RPS6KC1: variants seen among roughly 807,000 people sequenced by gnomAD.
RPS6KC1 encodes ribosomal protein S6 kinase C1.
A neutral mutation model predicts 103.8 loss-of-function variants in RPS6KC1; 54 were observed. The ratio of observed to expected loss-of-function variants is 0.52; its 90% CI spans 0.42 to 0.65. The LOEUF is 0.65. Among genes scored for constraint, RPS6KC1 ranks in the 30% least tolerant of loss-of-function variants. The pLI is 0.00. For synonymous variants in RPS6KC1, 439 were observed against 438.7 expected (o/e 1.00, Z -0.01); for missense variants, 1,151 against 1,253.8 (o/e 0.92, Z 1.24).
At chr1:213,061,200 A>G (rs1239752665) in intron 1 of RPS6KC1, among the ~76,000 whole-genome samples, 4 of 152,228 alleles carry the variant, frequency 2.6e-5, no homozygotes, top group South Asian at 2.1e-4. Context: ...ATGAAATTCA[A>G]TATGAATTTT....
chr1:213,800,647 G>A, the RPS6KC1 span, among the ~76,000 whole-genome samples: 1 of 152,178 alleles, frequency 6.6e-6, no homozygotes, highest in African/African-American at 2.4e-5. Context: ...TGACTAACAT[G>A]AATGAAGAAT....
intron 1 of RPS6KC1, among the ~76,000 whole-genome samples, chr1:213,052,747 G>T (rs13376363): frequency 0.046 from 7,030 of 152,148 alleles, 558 homozygotes; most frequent in African/African-American, 0.16. Flanking sequence ...TCTGCATGTT[G>T]CTCAGGCTCA....
the RPS6KC1 span, among the ~76,000 whole-genome samples, chr1:213,711,704 G>A: frequency 5.3e-5 from 8 of 152,056 alleles, no homozygotes; most frequent in South Asian, 4.1e-4. Context: ...TTGCATGGTC[G>A]TCCTTTTTGT....
chr1:213,735,241 G>A, the RPS6KC1 span, among the ~76,000 whole-genome samples: 28 of 152,286 alleles, frequency 1.8e-4, no homozygotes, highest in Middle Eastern at 3.4e-3. Flanking sequence ...AAACAGCCTG[G>A]AATTGCTGGC....
rs6540779 is a variant in RPS6KC1, at chr1:213,118,601, G to C, written c.472+1191G>C. Among the ~76,000 whole-genome samples the C allele has an allele frequency of 2.0e-3, 300 of 152,054 alleles. 1 individual carries two copies. Among genetic ancestry groups the C allele is most frequent in the African/African-American group, 7.0e-3 (289 of 41,478 alleles). On this transcript the variant is annotated intron_variant, in intron 5 of 14. Transcript: ENST00000366960. ...TGCAGTAAATTTCCATCGTGATTTG[G>C]TAAGAGCAACGTGTTCTTATTTATT...
chr1:213,211,787 A>G (rs2093513958), intron 8 of RPS6KC1, among the ~76,000 whole-genome samples: 1 of 152,160 alleles, frequency 6.6e-6, no homozygotes, highest in Non-Finnish European at 1.5e-5. Flanking sequence ...TAGTTTATTT[A>G]TTGGAGAATG....
At chr1:213,381,373 A>G in the RPS6KC1 span, among the ~76,000 whole-genome samples, 1 of 151,742 alleles carries the variant, frequency 6.6e-6, no homozygotes, top group South Asian at 2.1e-4. Flanking sequence ...CCGGGTGCTT[A>G]TGGGGCCAAC....
intron 6 of RPS6KC1, among the ~76,000 whole-genome samples, chr1:213,155,476 T>C (rs2089774660): frequency 6.6e-6 from 1 of 152,126 alleles, no homozygotes; most frequent in Non-Finnish European, 1.5e-5. Flanking sequence ...GTTTAAATGC[T>C]CCCATCTTGG....
At chr1:213,169,474 G>A (rs2091287711) in intron 7 of RPS6KC1, among the ~76,000 whole-genome samples, 1 of 152,004 alleles carries the variant, frequency 6.6e-6, no homozygotes, top group South Asian at 2.1e-4. Flanking sequence ...TCTGTATTCT[G>A]TTTGCTAATC....
At chr1:213,848,752 A>T in the RPS6KC1 span, among the ~76,000 whole-genome samples, 1 of 152,184 alleles carries the variant, frequency 6.6e-6, no homozygotes, top group Non-Finnish European at 1.5e-5. Context: ...TATACAGTAA[A>T]CTAATATTTT....
the RPS6KC1 span, among the ~76,000 whole-genome samples, chr1:213,735,038 C>G: frequency 6.6e-6 from 1 of 152,208 alleles, no homozygotes; most frequent in African/African-American, 2.4e-5. Flanking sequence ...ATTCTTCTGC[C>G]TCAGCCTCCC....
At chr1:213,677,324 T>C in the RPS6KC1 span, among the ~76,000 whole-genome samples, 2 of 152,088 alleles carry the variant, frequency 1.3e-5, no homozygotes, top group Admixed American at 6.5e-5. Flanking sequence ...TCTAGTCTAG[T>C]ATCATCATTT....
the RPS6KC1 span, among the ~76,000 whole-genome samples, chr1:213,579,439 G>A: frequency 6.6e-6 from 1 of 152,064 alleles, no homozygotes; most frequent in East Asian, 1.9e-4. Context: ...TAACAAAAAA[G>A]TACAAGGTGA....
the RPS6KC1 span, among the ~76,000 whole-genome samples, chr1:213,418,113 C>T: frequency 1.1e-4 from 17 of 152,268 alleles, no homozygotes; most frequent in South Asian, 3.1e-3. Flanking sequence ...TGCTGAGAAA[C>T]GTGATTGTGA....
the RPS6KC1 span, among the ~76,000 whole-genome samples, chr1:213,822,996 G>T: frequency 3.3e-3 from 509 of 152,196 alleles, 4 homozygotes; most frequent in African/African-American, 0.012. Context: ...TTCCAATAAT[G>T]CTCAGAATAA....
At chr1:213,378,038 C>T in the RPS6KC1 span, among the ~76,000 whole-genome samples, 1 of 152,160 alleles carries the variant, frequency 6.6e-6, no homozygotes, top group Non-Finnish European at 1.5e-5. Context: ...ACCTATTTCC[C>T]CAGCTCCTGT....
chr1:213,734,923 TTGTTTG>T, the RPS6KC1 span, among the ~76,000 whole-genome samples: 7 of 150,224 alleles, frequency 4.7e-5, no homozygotes, highest in South Asian at 6.3e-4. Context: ...GTTGTTGTTG[TTGTTTG>T]TTGTTGTTGT....
intron 3 of RPS6KC1, among the ~76,000 whole-genome samples, chr1:213,099,257 T>A (rs1416276191): frequency 6.6e-6 from 1 of 152,244 alleles, no homozygotes; most frequent in African/African-American, 2.4e-5. Context: ...CTGTGTTTTT[T>A]CATTTATGCT....
At chr1:213,749,684 C>T in the RPS6KC1 span, among the ~76,000 whole-genome samples, 2 of 152,156 alleles carry the variant, frequency 1.3e-5, no homozygotes, top group Non-Finnish European at 2.9e-5. Flanking sequence ...CTCCCGCCCA[C>T]TTTGCACTAC....
Sources: allele counts gnomAD v4.1 joint callset (sites outside exome capture counted in the v4.1 genomes callset), GRCh38; gene constraint gnomAD v4.1.1; transcripts MANE v1.5; gene names NCBI Gene and HGNC (gene_info 2026-07-23, HGNC 2026-07-21).